The following ATP8A1 variants were observed in gnomAD, a reference collection of about 807,000 sequenced individuals.
ATP8A1 encodes ATPase phospholipid transporting 8A1.
In ATP8A1, 90 loss-of-function variants were observed where a neutral mutation model predicts 177.7. The observed-to-expected ratio is 0.51, with a 90% CI of 0.43 to 0.60. The LOEUF is 0.60. ATP8A1 is among the 20% of genes least tolerant of loss of function. ATP8A1 has a pLI of 0.00. For synonymous variants in ATP8A1, 493 were observed against 485.9 expected (o/e 1.01, Z -0.19); for missense variants, 1,072 against 1,392.8 (o/e 0.77, Z 3.67).
intron 17 of ATP8A1, 119 bp from the exon 18 acceptor site, chr4:42,551,399 C>T (rs1431009743): frequency 4.5e-6 from 3 of 667,100 alleles, no homozygotes; most frequent in Non-Finnish European, 5.3e-6. Context: ...TTTATTCTGG[C>T]TCATGTTATT....
At chr4:42,501,736 C>T (rs1475185569) in intron 24 of ATP8A1, among the ~76,000 whole-genome samples, 1 of 152,120 alleles carries the variant, frequency 6.6e-6, no homozygotes, top group East Asian at 1.9e-4. Flanking sequence ...GACACAAGAT[C>T]GGAAGGAGCT....
chr4:42,574,717 T>C lies in ATP8A1; in HGVS notation c.1207-10A>G. On this transcript the variant is annotated splice_polypyrimidine_tract_variant and intron_variant, in intron 13 of 36. Coordinates refer to ENST00000381668, the MANE Select transcript of ATP8A1 (RefSeq NM_006095.2). ...AAAATATGTATTTAACCTAAAAAAGTTTAAAATTTCTCATTAATATTTTGA... is the reference window on the plus strand; with the variant it reads ...AAAATATGTATTTAACCTAAAAAAGCTTAAAATTTCTCATTAATATTTTGA... The C allele has an allele frequency of 6.3e-7, 1 of 1,576,550 alleles. No individual in the cohort carries two copies. Among genetic ancestry groups the C allele is most frequent in the Non-Finnish European group, 8.6e-7 (1 of 1,161,154 alleles).
intron 22 of ATP8A1, among the ~76,000 whole-genome samples, chr4:42,521,937 T>C: frequency 6.6e-6 from 1 of 152,178 alleles, no homozygotes; most frequent in East Asian, 1.9e-4. Flanking sequence ...TCCAAAATTG[T>C]GAAAAGAGTG....
chr4:42,628,961 G>C (rs954514583), intron 1 of ATP8A1, among the ~76,000 whole-genome samples: 2 of 152,138 alleles, frequency 1.3e-5, no homozygotes, highest in African/African-American at 4.8e-5. Flanking sequence ...GATGTCCTTA[G>C]CTGAGGAACT....
At chr4:42,616,379 T>G (rs1736916581) in intron 4 of ATP8A1, among the ~76,000 whole-genome samples, 1 of 152,208 alleles carries the variant, frequency 6.6e-6, no homozygotes. Flanking sequence ...GGATTAAAAT[T>G]TTAATGTACT....
At chr4:42,648,530 C>A (rs942219805) in intron 1 of ATP8A1, among the ~76,000 whole-genome samples, 93 of 151,692 alleles carry the variant, frequency 6.1e-4, no homozygotes, top group African/African-American at 2.2e-3. Flanking sequence ...TCACATTTCA[C>A]CACAAAGTAA....
At chr4:42,516,937 G>A (rs1725601158) in intron 22 of ATP8A1, among the ~76,000 whole-genome samples, 1 of 152,176 alleles carries the variant, frequency 6.6e-6, no homozygotes. Context: ...CCCTGCCAAT[G>A]AAACAAGGAA....
intron 1 of ATP8A1, among the ~76,000 whole-genome samples, chr4:42,648,950 T>C (rs1001938552): frequency 6.6e-6 from 1 of 152,156 alleles, no homozygotes; most frequent in Admixed American, 6.5e-5. Context: ...CTCATTCACT[T>C]TCAGTGGGAG....
intron 8 of ATP8A1, among the ~76,000 whole-genome samples, chr4:42,587,548 C>G (rs567156514): frequency 6.6e-6 from 1 of 151,408 alleles, no homozygotes; most frequent in Admixed American, 6.6e-5. Context: ...CCTCGTGATC[C>G]ACCTGCCTCG....
intron 20 of ATP8A1, among the ~76,000 whole-genome samples, chr4:42,529,943 T>C (rs1199849602): frequency 6.6e-6 from 1 of 152,106 alleles, no homozygotes; most frequent in Non-Finnish European, 1.5e-5. Flanking sequence ...GACTGGAAAA[T>C]TGGTGACAAA....
chr4:42,435,450 CAAAAAAAAAAA>C (rs11306070), intron 33 of ATP8A1, among the ~76,000 whole-genome samples: 8,239 of 114,870 alleles, frequency 0.072, 421 homozygotes, highest in South Asian at 0.1. Context: ...AAAAAAAAAA[CAAAAAAAAAAA>C]AACAAACTAT....
chr4:42,589,968 G>A (rs983173116), intron 7 of ATP8A1, among the ~76,000 whole-genome samples: 2 of 151,978 alleles, frequency 1.3e-5, no homozygotes, highest in African/African-American at 4.8e-5. Flanking sequence ...TCGAAATTCA[G>A]AACATTCTCA....
intron 20 of ATP8A1, among the ~76,000 whole-genome samples, chr4:42,533,154 T>A (rs1258170129): frequency 6.6e-6 from 1 of 152,216 alleles, no homozygotes; most frequent in Non-Finnish European, 1.5e-5. Flanking sequence ...GAATCCACAC[T>A]TTTTGAAGGA....
intron 30 of ATP8A1, among the ~76,000 whole-genome samples, chr4:42,451,640 C>T (rs574747770): frequency 1.3e-5 from 2 of 152,262 alleles, no homozygotes; most frequent in African/African-American, 4.8e-5. Flanking sequence ...GGGCTTGATA[C>T]AAGCCTCATA....
Position 42,427,196 on chromosome 4 carries a change from T to C in ATP8A1, c.3124-3491A>G, listed in dbSNP as rs531211317. On this transcript the variant is annotated intron_variant, in intron 33 of 36. Transcript: ENST00000381668. ...TTTAAAGAACTGATTTACGAAAACGTAGAACTTCCACGTGTTCAAAGAAAC... is the reference window on the plus strand; with the variant it reads ...TTTAAAGAACTGATTTACGAAAACGCAGAACTTCCACGTGTTCAAAGAAAC... Among the ~76,000 whole-genome samples, 6 of 152,282 alleles carry C rather than the reference T, an allele frequency of 3.9e-5. No individual in the cohort carries two copies. In the East Asian group the frequency reaches 9.6e-4, roughly 24 times the overall value.
chr4:42,464,490 C>T (rs911349759), intron 27 of ATP8A1, among the ~76,000 whole-genome samples, 200 bp downstream of exon 27: 3 of 152,154 alleles, frequency 2.0e-5, no homozygotes, highest in Non-Finnish European at 4.4e-5. Context: ...GTCTCGAACT[C>T]CCGACCTCAA....
intron 33 of ATP8A1, among the ~76,000 whole-genome samples, chr4:42,438,308 T>C (rs879802810): frequency 1.7e-4 from 26 of 152,128 alleles, no homozygotes; most frequent in Non-Finnish European, 3.4e-4. Context: ...ATTAAATGAG[T>C]GACTACATGA....
chr4:42,424,954 C>A (rs1459929198), intron 33 of ATP8A1, among the ~76,000 whole-genome samples: 1 of 152,174 alleles, frequency 6.6e-6, no homozygotes, highest in Non-Finnish European at 1.5e-5. Context: ...AAAATACTCA[C>A]ATAAAAGTCA....
chr4:42,443,711 TAG>T, intron 32 of ATP8A1, 39 bp from the exon 33 acceptor site: 1 of 869,230 alleles, frequency 1.2e-6, no homozygotes, highest in Non-Finnish European at 2.0e-6. Flanking sequence ...AAGTTTTATG[TAG>T]ACCGAGTACA....
Sources: gnomAD v4.1 joint callset for allele counts (sites outside exome capture counted in the v4.1 genomes callset) on GRCh38, gnomAD v4.1.1 for gene constraint, MANE v1.5 for transcripts, NCBI Gene and HGNC (gene_info 2026-07-23, HGNC 2026-07-21) for gene names.